The following CDC42SE2 variants were observed in gnomAD, a reference collection of about 807,000 sequenced individuals.
CDC42SE2 encodes CDC42 small effector protein 2.
A neutral mutation model predicts 11.5 loss-of-function variants in CDC42SE2; 3 were observed. The ratio of observed to expected loss-of-function variants is 0.26; its 90% CI spans 0.12 to 0.67. CDC42SE2 has a LOEUF of 0.67. Ranked by LOEUF, CDC42SE2 falls within the 30% of genes least tolerant of loss-of-function variation. The pLI, the probability that CDC42SE2 is intolerant of heterozygous loss-of-function variation, is 0.80. For synonymous variants in CDC42SE2, 33 were observed against 34.8 expected, an observed-to-expected ratio of 0.95 and a Z score of 0.18; for missense variants, 82 against 106.8, an observed-to-expected ratio of 0.77 and a Z score of 1.02.
At chr5:131,349,630 ATG>A (rs750590435) in intron 2 of CDC42SE2, among the ~76,000 whole-genome samples, 1 of 152,186 alleles carries the variant, frequency 6.6e-6, no homozygotes, top group Non-Finnish European at 1.5e-5. Context: ...GTATATGAGT[ATG>A]TGTTTTGAGC....
intron 1 of CDC42SE2, among the ~76,000 whole-genome samples, chr5:131,248,890 T>A (rs1389109438): frequency 6.6e-6 from 1 of 152,088 alleles, no homozygotes; most frequent in Non-Finnish European, 1.5e-5. Context: ...GTCCCCAAAT[T>A]TATCAAAATA....
chr5:131,356,907 G>GA (rs985094247), intron 2 of CDC42SE2, among the ~76,000 whole-genome samples: 3 of 152,108 alleles, frequency 2.0e-5, no homozygotes, highest in South Asian at 2.1e-4. Flanking sequence ...GACCCTATCT[G>GA]AAAAAAAATT....
At position 131,270,401 on chromosome 5, in the gene CDC42SE2, A is replaced by G. The variant is rs141470934; in HGVS notation, c.-455+6235A>G. Among the ~76,000 whole-genome samples, 1,154 of 152,308 alleles carry G rather than the reference A, an allele frequency of 7.6e-3. 46 individuals carry two copies. Among genetic ancestry groups the G allele is most frequent in the Admixed American group, 0.067 (1,017 of 15,292 alleles). On this transcript the variant is annotated intron_variant, in intron 1 of 4. Transcript: ENST00000505065. ...AAGAAAAAAATAAAAAAATAAAAAC[A>G]ACAACATAAAATTATTTTTGTTTCA...
At chr5:131,267,783 A>G (rs1373421877) in intron 1 of CDC42SE2, among the ~76,000 whole-genome samples, 1 of 152,064 alleles carries the variant, frequency 6.6e-6, no homozygotes, top group Non-Finnish European at 1.5e-5. Flanking sequence ...GTCTTTTTTA[A>G]AATTATGAAA....
At chr5:131,355,362 A>G (rs1446115896) in intron 2 of CDC42SE2, among the ~76,000 whole-genome samples, 1 of 152,108 alleles carries the variant, frequency 6.6e-6, no homozygotes, top group Non-Finnish European at 1.5e-5. Flanking sequence ...CTGTAGTCCC[A>G]GCTACTTCGG....
chr5:131,343,283 C>A (rs1013444637), intron 2 of CDC42SE2, among the ~76,000 whole-genome samples: 1 of 152,026 alleles, frequency 6.6e-6, no homozygotes, highest in African/African-American at 2.4e-5. Context: ...CTAGTAGACT[C>A]AAGAGAGAAG....
In CDC42SE2 at chr5:131,391,830, G is replaced by T. The variant is rs11953301; in HGVS notation, c.*739G>T. On this transcript the variant is annotated 3_prime_UTR_variant, in exon 5 of 5. Transcript: ENST00000505065. The stretch of plus-strand genomic sequence containing the variant: ...TTCAAGTTTTTTTTTGTTTTATAGG[G>T]TTATTGTGAATTTCTATATTTTCTC... The T allele has an allele frequency of 1.3e-5, 2 of 152,150 alleles. No individual in the cohort carries two copies. The highest frequency in any genetic ancestry group is 2.9e-5 in the Non-Finnish European group (2 of 68,016). The allele number at this position is 152,150 out of a possible 1,614,324, so 9.4% of individuals were successfully genotyped here. A position where few individuals can be genotyped will look rare whatever the true frequency, so the allele number is the denominator to read the frequency against.
chr5:131,386,549 TG>T (rs1469094810), intron 4 of CDC42SE2, among the ~76,000 whole-genome samples: 4 of 152,254 alleles, frequency 2.6e-5, no homozygotes, highest in African/African-American at 9.6e-5. Context: ...ATTTATTCGC[TG>T]TCTTTTAATA....
chr5:131,290,055 C>T (rs1045764033), intron 1 of CDC42SE2, among the ~76,000 whole-genome samples: 1 of 152,056 alleles, frequency 6.6e-6, no homozygotes, highest in African/African-American at 2.4e-5. Context: ...CTATGTTGCC[C>T]AGGCTGGTCT....
the CDC42SE2 span, among the ~76,000 whole-genome samples, chr5:131,220,700 G>T: frequency 6.6e-6 from 1 of 152,038 alleles, no homozygotes; most frequent in Non-Finnish European, 1.5e-5. Context: ...TTGTACTCAG[G>T]ATGAGCCATT....
At chr5:131,387,404 A>G (rs960869828) in intron 4 of CDC42SE2, among the ~76,000 whole-genome samples, 4 of 152,080 alleles carry the variant, frequency 2.6e-5, no homozygotes, top group Non-Finnish European at 5.9e-5. Context: ...CAAAAAAATT[A>G]GCTGAGTGAA....
intron 3 of CDC42SE2, among the ~76,000 whole-genome samples, chr5:131,372,883 T>A (rs924377116): frequency 6.6e-6 from 1 of 152,196 alleles, no homozygotes; most frequent in Admixed American, 6.5e-5. Context: ...AGATAATTTA[T>A]GTAAAGTGCT....
At chr5:131,369,501 T>C (rs1184425035) in intron 3 of CDC42SE2, among the ~76,000 whole-genome samples, 1 of 152,194 alleles carries the variant, frequency 6.6e-6, no homozygotes, top group African/African-American at 2.4e-5. Context: ...GCAAATTCTT[T>C]TAGACTTGAT....
chr5:131,269,485 T>C (rs760629681), intron 1 of CDC42SE2, among the ~76,000 whole-genome samples: 5 of 152,290 alleles, frequency 3.3e-5, no homozygotes, highest in East Asian at 3.9e-4. Flanking sequence ...CATAAAATTA[T>C]TGGCCGGGCG....
At chr5:131,319,225 C>A (rs988520168) in intron 2 of CDC42SE2, among the ~76,000 whole-genome samples, 2 of 152,084 alleles carry the variant, frequency 1.3e-5, no homozygotes, top group East Asian at 1.9e-4. Flanking sequence ...CTTTTCCCCC[C>A]ACCCTCAGTG....
At chr5:131,341,315 A>G (rs1561591038) in intron 2 of CDC42SE2, among the ~76,000 whole-genome samples, 1 of 152,206 alleles carries the variant, frequency 6.6e-6, no homozygotes, top group Admixed American at 6.5e-5. Flanking sequence ...TACATCACAC[A>G]CAAAGGAAGG....
intron 1 of CDC42SE2, among the ~76,000 whole-genome samples, chr5:131,290,642 G>T (rs985442875): frequency 2.6e-5 from 4 of 151,478 alleles, no homozygotes; most frequent in African/African-American, 9.7e-5. Flanking sequence ...AGGCTGGCTG[G>T]TTAATTTTTG....
chr5:131,232,443 A>C, the CDC42SE2 span, among the ~76,000 whole-genome samples: 4 of 151,994 alleles, frequency 2.6e-5, no homozygotes, highest in Admixed American at 6.6e-5. Flanking sequence ...GGTTACCTTA[A>C]AATGTTATCC....
At position 131,391,508 on chromosome 5, in the gene CDC42SE2, C is replaced by G. The variant is rs1750651442; in HGVS notation, c.*417C>G. 1.3e-5 allele frequency: 2 copies of G among 152,416 alleles called. No homozygotes were observed. The highest frequency in any genetic ancestry group is 1.3e-4 in the Admixed American group (2 of 15,282). The allele number at this position is 152,416 out of a possible 1,614,324, so 9.4% of individuals were successfully genotyped here. A position where few individuals can be genotyped will look rare whatever the true frequency, so the allele number is the denominator to read the frequency against. Reference sequence around the variant, plus strand: ...CCAACATGGTGAAACCCCATCTCTACTAAAAATACAAAAATTAGCTGGGCA... The same window carrying G: ...CCAACATGGTGAAACCCCATCTCTAGTAAAAATACAAAAATTAGCTGGGCA... On this transcript the variant is annotated 3_prime_UTR_variant, in exon 5 of 5. Coordinates refer to ENST00000505065, the MANE Select transcript of CDC42SE2 (RefSeq NM_001375635.1).
Sources: allele counts gnomAD v4.1 joint callset (sites outside exome capture counted in the v4.1 genomes callset), GRCh38; gene constraint gnomAD v4.1.1; transcripts MANE v1.5; gene names NCBI Gene and HGNC (gene_info 2026-07-23, HGNC 2026-07-21).